Variants in PRKAR1A observed in about 807,000 individuals in gnomAD.
PRKAR1A encodes the protein cAMP-dependent protein kinase type I-alpha regulatory subunit.
A neutral mutation model predicts 52.0 loss-of-function variants in PRKAR1A; 3 were observed. The ratio of observed to expected loss-of-function variants is 0.06; its 90% CI spans 0.03 to 0.15. The LOEUF (loss-of-function observed/expected upper bound fraction) is 0.15. PRKAR1A is among the 10% of genes least tolerant of loss of function. The pLI is 1.00. For synonymous variants in PRKAR1A, 188 were observed against 168.4 expected (o/e 1.12, Z -0.90); for missense variants, 240 against 477.4 (o/e 0.50, Z 4.63).
chr17:68,489,295 GTATATATATATATATGGAAAGTA>G, the PRKAR1A span, among the ~76,000 whole-genome samples: 10 of 14,386 alleles, frequency 7.0e-4, no homozygotes, highest in Admixed American at 1.3e-3. Context: ...TATATGGAAA[GTATATATATATATATGGAAAGTA>G]TATATATATA....
intron 4 of PRKAR1A, 69 bp from the exon 5 acceptor site, chr17:68,523,947 T>TA: frequency 1.9e-6 from 3 of 1,596,968 alleles, no homozygotes; most frequent in Non-Finnish European, 2.6e-6. Context: ...TCTTTAATTC[T>TA]AAGCTTAATG....
At chr17:68,535,804 G>A (rs1215238440), downstream of PRKAR1A, 2 of 453,880 alleles carry the variant, frequency 4.4e-6, no homozygotes, top group East Asian at 1.4e-4. Flanking sequence ...CCCATGCCCA[G>A]CTGATTTTTT....
chr17:68,448,216 G>A, the PRKAR1A span: 2 of 152,238 alleles, frequency 1.3e-5, no homozygotes, highest in Admixed American at 1.3e-4. Flanking sequence ...CCTGGCAAGA[G>A]AGGCTGCAGC....
chr17:68,529,517 G>C (rs890349104), intron 9 of PRKAR1A, among the ~76,000 whole-genome samples: 1 of 152,232 alleles, frequency 6.6e-6, no homozygotes, highest in African/African-American at 2.4e-5. Flanking sequence ...TAAAGGGCCA[G>C]GTGGTAAGTA....
chr17:68,539,244 G>A, intron 11 of PRKAR1A: 1 of 1,266,052 alleles, frequency 7.9e-7, no homozygotes, highest in Non-Finnish European at 1.2e-6. Flanking sequence ...TCCTGGACCA[G>A]TGAAAACTGG....
the PRKAR1A span, chr17:68,426,149 G>A: frequency 5.0e-6 from 8 of 1,603,386 alleles, no homozygotes; most frequent in East Asian, 2.3e-5. Context: ...ACTTCTCCTC[G>A]CAGCGCCCCG....
the PRKAR1A span, chr17:68,436,619 G>A: frequency 2.9e-6 from 2 of 696,272 alleles, no homozygotes; most frequent in African/African-American, 1.8e-5. Context: ...ACTGCTTTCC[G>A]CTGATGATTC....
chr17:68,430,541 T>C, the PRKAR1A span, among the ~76,000 whole-genome samples: 1 of 152,172 alleles, frequency 6.6e-6, no homozygotes, highest in Non-Finnish European at 1.5e-5. Context: ...GCCGGGCTCA[T>C]GGAAGAACAG....
At chr17:68,435,734 G>A in the PRKAR1A span, 1 of 1,607,728 alleles carries the variant, frequency 6.2e-7, no homozygotes, top group East Asian at 2.2e-5. Flanking sequence ...AAGGAAAAAT[G>A]GATACAGATG....
intron 11 of PRKAR1A, among the ~76,000 whole-genome samples, chr17:68,548,258 G>A (rs1291321943): frequency 6.6e-6 from 1 of 152,160 alleles, no homozygotes; most frequent in Non-Finnish European, 1.5e-5. Context: ...AGCTGGGCAT[G>A]GTGGCACACG....
rs756985434 is a variant in PRKAR1A, at chr17:68,515,493, A to G, written c.94A>G (p.Lys32Glu). The change falls in exon 2 of 11, where the codon AAA (lysine) becomes GAA (glutamate). Residue 32 changes from lysine to glutamate, a missense_variant. By Grantham distance (56) the Lys-to-Glu change is moderately conservative (BLOSUM62 1). Transcript: ENST00000589228. ...VQKHNIQALL[K>E]DSIVQLCTAR... ...GAAGCATAACATTCAAGCGCTGCTCAAAGATTCTATTGTGCAGTTGTGCAC... is the reference window on the plus strand; with the variant it reads ...GAAGCATAACATTCAAGCGCTGCTCGAAGATTCTATTGTGCAGTTGTGCAC... The G allele has an allele frequency of 5.0e-6, 8 of 1,613,416 alleles. No individual in the cohort carries two copies. The highest frequency in any genetic ancestry group is 4.5e-5 in the East Asian group (2 of 44,906).
chr17:68,420,337 G>C, the PRKAR1A span: 2 of 1,614,110 alleles, frequency 1.2e-6, no homozygotes, highest in East Asian at 4.5e-5. Context: ...AGGTCAGAAA[G>C]GTTCTTGCAG....
the PRKAR1A span, among the ~76,000 whole-genome samples, chr17:68,477,642 C>A: frequency 1.3e-5 from 2 of 151,932 alleles, no homozygotes; most frequent in Non-Finnish European, 2.9e-5. Context: ...TCAGTTACTT[C>A]CCTTCATTTT....
At chr17:68,507,890 T>C (rs1431828291), upstream of PRKAR1A, among the ~76,000 whole-genome samples, 1 of 152,222 alleles carries the variant, frequency 6.6e-6, no homozygotes, top group African/African-American at 2.4e-5. Context: ...CTTGTGATAA[T>C]TAATTTTGTG....
At chr17:68,461,428 C>T in the PRKAR1A span, among the ~76,000 whole-genome samples, 129 of 152,244 alleles carry the variant, frequency 8.5e-4, no homozygotes, top group African/African-American at 2.9e-3. This position sits in a 1 kb window ranked among gnomAD's most constrained non-coding sequence, Gnocchi z 4.6. Context: ...ATGCACAGGG[C>T]ATTCACAGGG....
At chr17:68,472,238 G>C in the PRKAR1A span, among the ~76,000 whole-genome samples, 1 of 152,166 alleles carries the variant, frequency 6.6e-6, no homozygotes, top group African/African-American at 2.4e-5. Flanking sequence ...AGGCCATTCA[G>C]GATGGCTCCA....
chr17:68,488,874 T>A, the PRKAR1A span, among the ~76,000 whole-genome samples: 1 of 151,964 alleles, frequency 6.6e-6, no homozygotes, highest in Admixed American at 6.6e-5. Flanking sequence ...TCAGGCTCCC[T>A]GGTGGATATG....
the PRKAR1A span, among the ~76,000 whole-genome samples, chr17:68,471,102 T>C: frequency 6.6e-6 from 1 of 152,098 alleles, no homozygotes; most frequent in Admixed American, 6.6e-5. Flanking sequence ...ATGCATTTTT[T>C]CCCCCAGATT....
chr17:68,488,763 C>T, the PRKAR1A span, among the ~76,000 whole-genome samples: 2 of 148,832 alleles, frequency 1.3e-5, no homozygotes, highest in Non-Finnish European at 3.0e-5. Context: ...AAAGAGCCAG[C>T]GTGGGCTTCT....
Sources: allele counts gnomAD v4.1 joint callset (sites outside exome capture counted in the v4.1 genomes callset), GRCh38; gene constraint gnomAD v4.1.1; non-coding constraint Gnocchi (gnomAD v3.1); transcripts MANE v1.5; gene names NCBI Gene and HGNC (gene_info 2026-07-23, HGNC 2026-07-21).